CDH20: variants seen among roughly 807,000 people sequenced by gnomAD.
CDH20 encodes the protein cadherin-20.
Under a neutral mutation model 74.2 loss-of-function variants are expected in CDH20, and 29 were observed. The observed-to-expected ratio is 0.39, with a 90% CI of 0.29 to 0.53. The LOEUF (loss-of-function observed/expected upper bound fraction) is 0.53. CDH20 is among the 20% of genes least tolerant of loss of function. The pLI, the probability that CDH20 is intolerant of heterozygous loss-of-function variation, is 0.69. For synonymous variants in CDH20, 469 were observed against 405.4 expected, an observed-to-expected ratio of 1.16 and a Z score of -1.88; for missense variants, 988 against 1,048.3, an observed-to-expected ratio of 0.94 and a Z score of 0.79.
intron 1 of CDH20, among the ~76,000 whole-genome samples, chr18:61,476,121 T>A (rs1049268135): frequency 1.3e-5 from 2 of 152,036 alleles, no homozygotes; most frequent in African/African-American, 4.8e-5. Context: ...TCTCGCCACA[T>A]CCCCGTTAAG....
chr18:61,501,714 A>C (rs554672452), intron 4 of CDH20, among the ~76,000 whole-genome samples: 2 of 152,336 alleles, frequency 1.3e-5, no homozygotes, highest in African/African-American at 4.8e-5. Context: ...AGGAGGAAAG[A>C]AAAAAGATTG....
chr18:61,478,634 T>G (rs17068357), intron 1 of CDH20, among the ~76,000 whole-genome samples: 4,883 of 152,290 alleles, frequency 0.032, 194 homozygotes, highest in East Asian at 0.13. Context: ...ATTCAGTGCA[T>G]GAGGAGTAAA....
At chr18:61,431,451 G>T (rs1200112482) in intron 1 of CDH20, among the ~76,000 whole-genome samples, 3 of 152,086 alleles carry the variant, frequency 2.0e-5, no homozygotes, top group Non-Finnish European at 4.4e-5. Context: ...ATTTAATTAA[G>T]TCCATTAAAG....
chr18:61,485,812 G>A (rs79232139), intron 1 of CDH20, among the ~76,000 whole-genome samples: 2 of 152,132 alleles, frequency 1.3e-5, no homozygotes, highest in Non-Finnish European at 2.9e-5. Context: ...GGTGGCTCAC[G>A]CCTGTAATCC....
intron 1 of CDH20, among the ~76,000 whole-genome samples, chr18:61,365,254 T>G (rs1276977546): frequency 6.6e-6 from 1 of 152,224 alleles, no homozygotes; most frequent in African/African-American, 2.4e-5. Context: ...CCATGAGGAA[T>G]GAAAGACATC....
At chr18:61,390,074 C>T (rs995601979) in intron 1 of CDH20, among the ~76,000 whole-genome samples, 5 of 152,096 alleles carry the variant, frequency 3.3e-5, no homozygotes, top group Non-Finnish European at 5.9e-5. Context: ...GTCACTGAGG[C>T]CTTCCCACCC....
chr18:61,501,776 G>A (rs1031967388), intron 4 of CDH20, among the ~76,000 whole-genome samples: 1 of 152,158 alleles, frequency 6.6e-6, no homozygotes, highest in Non-Finnish European at 1.5e-5. Context: ...CTAAGGGCAA[G>A]GGGGAGAATG....
chr18:61,451,025 G>A (rs1909368098), intron 1 of CDH20, among the ~76,000 whole-genome samples: 1 of 151,884 alleles, frequency 6.6e-6, no homozygotes, highest in Non-Finnish European at 1.5e-5. Context: ...TGAATTAATG[G>A]ATAAAATATG....
chr18:61,552,400 TAAAA>T (rs1004243953), intron 11 of CDH20, among the ~76,000 whole-genome samples: 1 of 145,704 alleles, frequency 6.9e-6, no homozygotes, highest in Non-Finnish European at 1.5e-5. Context: ...TAGATTACCT[TAAAA>T]AAAAAAAGAC....
intron 1 of CDH20, among the ~76,000 whole-genome samples, chr18:61,339,650 C>A (rs983328108): frequency 1.2e-4 from 18 of 150,330 alleles, no homozygotes; most frequent in Non-Finnish European, 2.2e-4. Context: ...AATTTGATTC[C>A]ATGCAATGGA....
chr18:61,480,830 G>T (rs1424395937), intron 1 of CDH20, among the ~76,000 whole-genome samples: 1 of 152,140 alleles, frequency 6.6e-6, no homozygotes, highest in Non-Finnish European at 1.5e-5. Flanking sequence ...GTAGACTTCT[G>T]ACACATAAGG....
Position 61,554,385 on chromosome 18 carries a change from A to G in CDH20, c.2096A>G (p.Gln699Arg), listed in dbSNP as rs750848534. The part of the protein sequence containing the change: ...AQAGAAPKTR[Q>R]DMLPEIESLS... The stretch of plus-strand genomic sequence containing the variant: ...GCGGGGGCCGCCCCCAAGACGCGGC[A>G]GGACATGCTGCCCGAGATCGAGAGC... The change falls in exon 12 of 12, where the codon CAG becomes CGG. Residue 699 changes from glutamine to arginine, a missense_variant. Physicochemically the swap from Gln to Arg is conservative, Grantham distance 43. Around this residue, in one of 2 missense-constraint regions of CDH20, gnomAD observed 375 missense variants for 293.1 expected, o/e 1.28. Transcript: ENST00000262717. 4.3e-6 allele frequency: 7 copies of G among 1,612,804 alleles called. No individual in the cohort carries two copies. Among genetic ancestry groups the G allele is most frequent in the Non-Finnish European group, 5.1e-6 (6 of 1,179,724 alleles).
intron 1 of CDH20, among the ~76,000 whole-genome samples, chr18:61,423,448 G>A (rs1912959626): frequency 6.6e-6 from 1 of 152,122 alleles, no homozygotes; most frequent in African/African-American, 2.4e-5. Context: ...TCACTTGTTT[G>A]TGAATAATCT....
intron 1 of CDH20, among the ~76,000 whole-genome samples, chr18:61,446,858 C>G (rs1307169876): frequency 1.3e-5 from 2 of 152,180 alleles, no homozygotes; most frequent in Non-Finnish European, 2.9e-5. Flanking sequence ...AAAGACAGAA[C>G]TAGGTGTAAA....
intron 1 of CDH20, among the ~76,000 whole-genome samples, chr18:61,479,607 T>C (rs1020386473): frequency 6.6e-6 from 1 of 152,234 alleles, no homozygotes; most frequent in African/African-American, 2.4e-5. Context: ...GTGTTTTTCT[T>C]GGTTAACAAT....
chr18:61,369,924 T>C (rs946697237), intron 1 of CDH20, among the ~76,000 whole-genome samples: 1 of 151,606 alleles, frequency 6.6e-6, no homozygotes, highest in Non-Finnish European at 1.5e-5. Flanking sequence ...GGGTGGAAGG[T>C]GGGAGGAGGG....
At chr18:61,552,479 C>A (rs1279224177) in intron 11 of CDH20, among the ~76,000 whole-genome samples, 1 of 152,048 alleles carries the variant, frequency 6.6e-6, no homozygotes, top group African/African-American at 2.4e-5. Flanking sequence ...TTCTCCATGA[C>A]CATCAGAATT....
In CDH20 at chr18:61,507,533, C is replaced by T. The variant is rs1167520609; in HGVS notation, c.990C>T (p.Phe330=). 13 of 1,610,364 alleles carry T rather than the reference C, an allele frequency of 8.1e-6. No homozygotes were observed. The East Asian group carries it at 1.8e-4, about 22-fold the overall frequency. The change falls in exon 6 of 12, where the codon TTC becomes TTT. Residue 330 remains phenylalanine, a synonymous_variant. Transcript: ENST00000262717. The part of the protein sequence containing the change: ...DAFDISTDPN[F]QVGIITVKKP... ...TTGACATTAGCACAGATCCCAATTTCCAAGTTGGTATCATAACTGTGAAGA... is the reference window on the plus strand; with the variant it reads ...TTGACATTAGCACAGATCCCAATTTTCAAGTTGGTATCATAACTGTGAAGA...
chr18:61,537,758 G>T (rs2144389401), intron 8 of CDH20, among the ~76,000 whole-genome samples: 1 of 152,180 alleles, frequency 6.6e-6, no homozygotes, highest in Non-Finnish European at 1.5e-5. Context: ...CTGTTATAAT[G>T]AAGAAATAAA....
Sources: gnomAD v4.1 joint callset for allele counts (sites outside exome capture counted in the v4.1 genomes callset) on GRCh38, gnomAD v4.1.1 for gene constraint, gnomAD v4.1.1 regional missense constraint, MANE v1.5 for transcripts, NCBI Gene and HGNC (gene_info 2026-07-23, HGNC 2026-07-21) for gene names.